Variants in ACP3 observed in about 807,000 individuals in gnomAD.
ACP3 encodes the protein prostatic acid phosphatase.
In ACP3, 38 loss-of-function variants were observed where a neutral mutation model predicts 45.6. The ratio of observed to expected loss-of-function variants is 0.83; its 90% CI spans 0.64 to 1.09. The LOEUF is 1.09. ACP3 is among the 50% of genes least tolerant of loss of function. The pLI is 0.00. For missense variants in ACP3, 466 were observed against 463.2 expected, an observed-to-expected ratio of 1.01 and a Z score of -0.05; for synonymous variants, 162 against 164.7, an observed-to-expected ratio of 0.98 and a Z score of 0.13.
chr3:132,343,115 G>T (rs988989902), intron 6 of ACP3, among the ~76,000 whole-genome samples: 1 of 152,148 alleles, frequency 6.6e-6, no homozygotes, highest in African/African-American at 2.4e-5. Flanking sequence ...CTTGCTTTGC[G>T]ATGCATTTGA....
chr3:132,359,329 G>A (rs565120340), downstream of ACP3, among the ~76,000 whole-genome samples: 94 of 152,200 alleles, frequency 6.2e-4, no homozygotes, highest in Admixed American at 1.5e-3. Context: ...TGGCTAACAC[G>A]GTGAAACCCC....
At chr3:132,340,188 G>A (rs531847356) in intron 5 of ACP3, among the ~76,000 whole-genome samples, 21 of 151,924 alleles carry the variant, frequency 1.4e-4, no homozygotes, top group South Asian at 4.2e-4. Context: ...GGTGGCAGGC[G>A]CCTGTAATCC....
At chr3:132,365,782 T>A (rs1341092369) in intron 10 of ACP3, among the ~76,000 whole-genome samples, 2 of 151,160 alleles carry the variant, frequency 1.3e-5, no homozygotes, top group Non-Finnish European at 3.0e-5. Flanking sequence ...AAGTCAGGAG[T>A]TCATGGTCAG....
At chr3:132,343,143 G>C (rs534765576) in intron 6 of ACP3, among the ~76,000 whole-genome samples, 1 of 152,332 alleles carries the variant, frequency 6.6e-6, no homozygotes, top group South Asian at 2.1e-4. Flanking sequence ...TTTGTGGCCA[G>C]ATAAATTACG....
At position 132,323,027 on chromosome 3, in the gene ACP3, T is replaced by C. The variant is rs370800100; in HGVS notation, c.121-5240T>C. On this transcript the variant is annotated intron_variant, in intron 1 of 9. Coordinates refer to ENST00000336375, the MANE Select transcript of ACP3 (RefSeq NM_001099.5). ...TCACCAGAAGCTGACTAGATGCAGC[T>C]GCCTGATCTTGGACTTCCTAACCTC... Among the ~76,000 whole-genome samples the C allele has an allele frequency of 7.9e-5, 12 of 152,356 alleles. No individual in the cohort carries two copies. The South Asian group carries it at 2.5e-3, about 32-fold the overall frequency.
intron 4 of ACP3, among the ~76,000 whole-genome samples, chr3:132,334,475 A>G (rs999326011): frequency 1.3e-5 from 2 of 152,236 alleles, no homozygotes; most frequent in African/African-American, 2.4e-5. Flanking sequence ...TGTAGAAGAC[A>G]TTATAAGATG....
Position 132,357,742 on chromosome 3 carries a change from G to A in ACP3, c.*864G>A. On this transcript the variant is annotated 3_prime_UTR_variant, in exon 10 of 10. Transcript: ENST00000336375. Reference sequence around the variant, plus strand: ...AGTGATAAGAGATGTTGACTCTAAAGTTGATTTAAGGCCAGGCATGGTGGT... The same window carrying A: ...AGTGATAAGAGATGTTGACTCTAAAATTGATTTAAGGCCAGGCATGGTGGT... 3 of 985,304 alleles carry A rather than the reference G, an allele frequency of 3.0e-6. No individual in the cohort carries two copies. The highest frequency in any genetic ancestry group is 3.6e-6 in the Non-Finnish European group (3 of 829,892). The allele number at this position is 985,304 out of a possible 1,614,324, so 61.0% of individuals were successfully genotyped here.
chr3:132,341,913 G>T (rs1937556947), intron 5 of ACP3, among the ~76,000 whole-genome samples: 1 of 152,218 alleles, frequency 6.6e-6, no homozygotes, highest in Non-Finnish European at 1.5e-5. Flanking sequence ...TCAGCAGTCA[G>T]ATAGCTGAAC....
At chr3:132,363,387 C>CA (rs766476468), downstream of ACP3, among the ~76,000 whole-genome samples, 8 of 152,232 alleles carry the variant, frequency 5.3e-5, no homozygotes, top group East Asian at 1.5e-3. Context: ...GTCCCAATCT[C>CA]AATTTATCTT....
At chr3:132,332,943 C>A (rs1213114993) in intron 4 of ACP3, among the ~76,000 whole-genome samples, 4 of 152,198 alleles carry the variant, frequency 2.6e-5, no homozygotes, top group African/African-American at 9.6e-5. Context: ...CAAAGCAACA[C>A]TGCTGGCAAG....
intron 5 of ACP3, among the ~76,000 whole-genome samples, chr3:132,338,066 C>A (rs566407177): frequency 3.9e-4 from 60 of 152,184 alleles, no homozygotes; most frequent in African/African-American, 1.4e-3. Context: ...ACAGTGGAAG[C>A]CTCCATGACC....
At chr3:132,366,000 A>AG (rs1282791211) in intron 10 of ACP3, among the ~76,000 whole-genome samples, 1 of 151,770 alleles carries the variant, frequency 6.6e-6, no homozygotes, top group East Asian at 1.9e-4. Context: ...CCAAAAAAAA[A>AG]AAAGGATTGT....
chr3:132,348,824 G>T (rs116304458), intron 7 of ACP3, among the ~76,000 whole-genome samples: 1 of 152,142 alleles, frequency 6.6e-6, no homozygotes, highest in Non-Finnish European at 1.5e-5. Context: ...ACTTACTGGT[G>T]TACAGACCTG....
In ACP3 at chr3:132,358,111, C is replaced by T. The variant is rs1126661; in HGVS notation, c.*1233C>T. The T allele has an allele frequency of 0.35, 67,444 of 192,032 alleles. 12,289 individuals are homozygous for T. Among genetic ancestry groups the T allele is most frequent in the Middle Eastern group, 0.49 (180 of 368 alleles). The allele number at this position is 192,032 out of a possible 1,614,324, so 11.9% of individuals were successfully genotyped here. On this transcript the variant is annotated 3_prime_UTR_variant, in exon 10 of 10. Coordinates refer to ENST00000336375, the MANE Select transcript of ACP3 (RefSeq NM_001099.5). ...GTTGATTAAGAAAGGAAGTATAGGC[C>T]AGGCACAGTGGCTCACACCTGTAAT...
At chr3:132,345,450 AT>A (rs1397060681) in intron 7 of ACP3, among the ~76,000 whole-genome samples, 2 of 152,222 alleles carry the variant, frequency 1.3e-5, no homozygotes, top group Non-Finnish European at 2.9e-5. Flanking sequence ...ATGAAAATCA[AT>A]TGTGTCTTGT....
In ACP3 at chr3:132,357,391, G is replaced by A; in HGVS notation, c.*513G>A. 1.0e-6 allele frequency: 1 copy of A among 985,374 alleles called. No homozygotes were observed. Among genetic ancestry groups the A allele is most frequent in the South Asian group, 4.7e-5 (1 of 21,280 alleles). 61.0% of individuals were successfully genotyped at this position (985,374 alleles called of 1,614,324 possible). A position where few individuals can be genotyped will look rare whatever the true frequency, so the allele number is the denominator to read the frequency against. ...AGTTCCAGCCTTCTCTCAAGGAGAGGCAAAGAAAGGAGATACAGTGGAGAC... is the reference window on the plus strand; with the variant it reads ...AGTTCCAGCCTTCTCTCAAGGAGAGACAAAGAAAGGAGATACAGTGGAGAC... On this transcript the variant is annotated 3_prime_UTR_variant, in exon 10 of 10. Transcript: ENST00000336375.
intron 10 of ACP3, chr3:132,367,639 C>A: frequency 1.6e-6 from 2 of 1,277,822 alleles, no homozygotes; most frequent in Non-Finnish European, 2.3e-6. Flanking sequence ...GCAACACTCA[C>A]ATGTGATCTT....
chr3:132,332,077 G>C (rs995274141), intron 3 of ACP3, 115 bp from the exon 4 acceptor site: 3 of 1,161,338 alleles, frequency 2.6e-6, no homozygotes, highest in South Asian at 2.8e-5. Context: ...TTAGCACAAT[G>C]TCTGTAATAT....
intron 7 of ACP3, among the ~76,000 whole-genome samples, chr3:132,348,341 T>C (rs1299476764): frequency 6.6e-6 from 1 of 152,104 alleles, no homozygotes; most frequent in Admixed American, 6.6e-5. Context: ...CATGCTAGAT[T>C]TAAAGCCCTC....
Sources: allele counts gnomAD v4.1 joint callset (sites outside exome capture counted in the v4.1 genomes callset), GRCh38; gene constraint gnomAD v4.1.1; transcripts MANE v1.5; gene names NCBI Gene and HGNC (gene_info 2026-07-23, HGNC 2026-07-21).